Variants in UGGT2 observed in about 807,000 individuals in gnomAD.
The protein encoded by UGGT2 is UDP-glucose:glycoprotein glucosyltransferase 2.
In UGGT2, 180 loss-of-function variants were observed where a neutral mutation model predicts 192.1. The observed-to-expected ratio is 0.94, with a 90% CI of 0.83 to 1.06. The LOEUF is 1.06. Ranked by LOEUF, UGGT2 falls within the 50% of genes least tolerant of loss-of-function variation. The probability of loss-of-function intolerance (pLI) is 0.00; values close to 1 mark genes in which losing one functional copy is unlikely to be tolerated. For synonymous variants in UGGT2, 580 were observed against 591.0 expected, an observed-to-expected ratio of 0.98 and a Z score of 0.27; for missense variants, 1,849 against 1,795.7, an observed-to-expected ratio of 1.03 and a Z score of -0.54.
At chr13:95,889,609 T>C (rs936264531) in intron 25 of UGGT2, among the ~76,000 whole-genome samples, 1 of 152,220 alleles carries the variant, frequency 6.6e-6, no homozygotes, top group African/African-American at 2.4e-5. Flanking sequence ...AGCCTTCTAA[T>C]GGGACTAGCT....
chr13:95,877,947 G>A (rs2047388688), intron 27 of UGGT2, 91 bp from the exon 28 acceptor site: 1 of 1,337,696 alleles, frequency 7.5e-7, no homozygotes, highest in South Asian at 1.6e-5. Flanking sequence ...TTTAATATTG[G>A]CCAATGTATT....
intron 2 of UGGT2, among the ~76,000 whole-genome samples, chr13:96,029,404 A>C (rs946061372): frequency 1.3e-5 from 2 of 151,756 alleles, no homozygotes; most frequent in Admixed American, 6.6e-5. Context: ...CTTGTGCCTC[A>C]GCCTCCCGAG....
At chr13:95,805,980 T>C (rs549465938) in intron 38 of UGGT2, among the ~76,000 whole-genome samples, 2 of 132,212 alleles carry the variant, frequency 1.5e-5, no homozygotes, top group African/African-American at 5.8e-5. Flanking sequence ...GGTATAAAAA[T>C]CCAACTAGTT....
chr13:96,002,817 C>T (rs2051849912), intron 5 of UGGT2, among the ~76,000 whole-genome samples: 1 of 152,174 alleles, frequency 6.6e-6, no homozygotes. Context: ...CCAGCTCTTC[C>T]TCGCTTTCTC....
intron 20 of UGGT2, among the ~76,000 whole-genome samples, chr13:95,917,380 C>A (rs1358907019): frequency 6.6e-6 from 1 of 152,164 alleles, no homozygotes; most frequent in East Asian, 1.9e-4. Context: ...TTCATCACCA[C>A]CAGGCCTGCC....
At chr13:95,940,170 A>G in intron 15 of UGGT2, 79 bp from the exon 16 acceptor site, 1 of 1,149,838 alleles carries the variant, frequency 8.7e-7, no homozygotes, top group Non-Finnish European at 1.2e-6. Flanking sequence ...ATGCAGATAG[A>G]TTTTTATTTT....
chr13:95,832,118 G>A (rs538169034), intron 38 of UGGT2, among the ~76,000 whole-genome samples: 30 of 150,472 alleles, frequency 2.0e-4, no homozygotes, highest in African/African-American at 6.6e-4. Flanking sequence ...TAATCATTTC[G>A]GCTTCCCTAA....
In UGGT2 at chr13:95,970,270, T is replaced by C. The variant is rs753253391; in HGVS notation, c.1185-8A>G. On this transcript the variant is annotated splice_region_variant and splice_polypyrimidine_tract_variant and intron_variant, in intron 11 of 38. Coordinates refer to ENST00000376747, the MANE Select transcript of UGGT2 (RefSeq NM_020121.4). Reference sequence around the variant, plus strand: ...TTCAGCATATCCAAAATACTATATATTCAAAGAAAAAACAGTTTTATTTTG... The same window carrying C: ...TTCAGCATATCCAAAATACTATATACTCAAAGAAAAAACAGTTTTATTTTG... 3 of 1,585,152 alleles carry C rather than the reference T, an allele frequency of 1.9e-6. No individual in the cohort carries two copies. Among genetic ancestry groups the C allele is most frequent in the South Asian group, 1.2e-5 (1 of 86,032 alleles).
At chr13:95,812,908 C>T (rs577693836) in intron 38 of UGGT2, among the ~76,000 whole-genome samples, 35 of 152,188 alleles carry the variant, frequency 2.3e-4, no homozygotes, top group African/African-American at 7.7e-4. Flanking sequence ...TGCACAACTC[C>T]GTGAATACCC....
At chr13:95,914,612 T>TA (rs146990164) in intron 20 of UGGT2, among the ~76,000 whole-genome samples, 1,510 of 80,842 alleles carry the variant, frequency 0.019, 107 homozygotes, top group Non-Finnish European at 0.022. Context: ...CCATCTCTAC[T>TA]AAAAAAAAAA....
chr13:95,864,207 T>C (rs1890427658), intron 30 of UGGT2, among the ~76,000 whole-genome samples: 1 of 152,144 alleles, frequency 6.6e-6, no homozygotes, highest in Non-Finnish European at 1.5e-5. Context: ...CAGTTTCTCT[T>C]GTATAATCTG....
chr13:95,806,865 T>C (rs1403171365), intron 38 of UGGT2, among the ~76,000 whole-genome samples: 1 of 152,162 alleles, frequency 6.6e-6, no homozygotes, highest in Non-Finnish European at 1.5e-5. Context: ...TCCTACTTCA[T>C]ATCATATTTA....
rs899740345 is a variant in UGGT2, at chr13:95,854,214, T to C, written c.4169+101A>G. On this transcript the variant is annotated intron_variant, in intron 35 of 38. Transcript: ENST00000376747. Reference sequence around the variant, plus strand: ...ACACTATGTAATTGGTTGCTTTTATTGTGTAATTTTTAAGAAAACTGTGTA... The same window carrying C: ...ACACTATGTAATTGGTTGCTTTTATCGTGTAATTTTTAAGAAAACTGTGTA... 3 of 1,338,288 alleles carry C rather than the reference T, an allele frequency of 2.2e-6. No individual in the cohort carries two copies. In the African/African-American group the frequency reaches 4.4e-5, roughly 20 times the overall value. 82.9% of individuals were successfully genotyped at this position (1,338,288 alleles called of 1,614,324 possible).
chr13:95,816,090 T>G (rs1051398008), intron 38 of UGGT2, among the ~76,000 whole-genome samples: 14 of 152,192 alleles, frequency 9.2e-5, no homozygotes, highest in Non-Finnish European at 1.8e-4. Flanking sequence ...GATGCTGCCA[T>G]GCTTCTTGTA....
intron 20 of UGGT2, among the ~76,000 whole-genome samples, chr13:95,907,110 C>T (rs971295306): frequency 5.3e-5 from 8 of 152,214 alleles, no homozygotes; most frequent in African/African-American, 1.7e-4. Context: ...GATTCTCTCC[C>T]GTGCCCGACA....
intron 10 of UGGT2, among the ~76,000 whole-genome samples, chr13:95,976,637 T>G (rs1418612161): frequency 2.0e-5 from 3 of 152,200 alleles, no homozygotes; most frequent in Non-Finnish European, 4.4e-5. Context: ...TCCAAAGTAA[T>G]TTATGGATTC....
At chr13:95,892,171 T>C (rs1228587418) in intron 24 of UGGT2, among the ~76,000 whole-genome samples, 1 of 152,144 alleles carries the variant, frequency 6.6e-6, no homozygotes, top group Admixed American at 6.6e-5. Flanking sequence ...GGTTTCAGCA[T>C]GCACCTGTTT....
chr13:95,803,571 T>C (rs1311609796), intron 38 of UGGT2, among the ~76,000 whole-genome samples: 1 of 152,092 alleles, frequency 6.6e-6, no homozygotes, highest in Non-Finnish European at 1.5e-5. Context: ...AAAAGGGGTA[T>C]TTTTATATGA....
At chr13:95,891,274 T>C in intron 24 of UGGT2, among the ~76,000 whole-genome samples, 1 of 152,278 alleles carries the variant, frequency 6.6e-6, no homozygotes, top group South Asian at 2.1e-4. Context: ...GATTGTACAA[T>C]TTAAAAAATA....
Sources: allele counts gnomAD v4.1 joint callset (sites outside exome capture counted in the v4.1 genomes callset), GRCh38; gene constraint gnomAD v4.1.1; transcripts MANE v1.5; gene names NCBI Gene and HGNC (gene_info 2026-07-23, HGNC 2026-07-21).